The following GRIN2B variants were observed in gnomAD, a reference collection of about 807,000 sequenced individuals.
The protein encoded by GRIN2B is glutamate ionotropic receptor NMDA type subunit 2B, also known as glutamate receptor ionotropic, NMDA 2B.
GRIN2B carries 5 observed loss-of-function variants against 114.5 expected under a neutral mutation model. That is an observed-to-expected ratio of 0.04 (90% CI 0.02 to 0.09). The LOEUF is 0.09. GRIN2B is among the 10% of genes least tolerant of loss of function. GRIN2B has a pLI of 1.00. For synonymous variants in GRIN2B, 787 were observed against 745.1 expected (o/e 1.06, Z -0.92); for missense variants, 1,108 against 1,943.5 (o/e 0.57, Z 8.08).
chr12:13,702,969 C>T (rs1468838042), intron 4 of GRIN2B, among the ~76,000 whole-genome samples: 2 of 152,130 alleles, frequency 1.3e-5, no homozygotes, highest in Admixed American at 6.5e-5. Flanking sequence ...ACATGAACAT[C>T]GGTCATAGCA....
Position 13,578,247 on chromosome 12 carries a change from C to G in GRIN2B, c.2011-6283G>C, listed in dbSNP as rs112361322. 8.6e-3 allele frequency among the ~76,000 whole-genome samples: 1,313 copies of G among 152,302 alleles called. 22 individuals are homozygous for G. The highest frequency in any genetic ancestry group is 0.03 in the African/African-American group (1,232 of 41,562). Reference sequence around the variant, plus strand: ...TGACAAACAGGTCCATGTCCCCTCCCTACCTTGATTCTTAGCTGACCTAGG... The same window carrying G: ...TGACAAACAGGTCCATGTCCCCTCCGTACCTTGATTCTTAGCTGACCTAGG... On this transcript the variant is annotated intron_variant, in intron 10 of 13. Transcript: ENST00000609686.
intron 4 of GRIN2B, among the ~76,000 whole-genome samples, chr12:13,704,218 A>G (rs1950338567): frequency 6.6e-6 from 1 of 152,124 alleles, no homozygotes. Flanking sequence ...CAAGGGTAGG[A>G]TGCATGAGGA....
intron 10 of GRIN2B, among the ~76,000 whole-genome samples, chr12:13,589,739 G>A (rs1037880445): frequency 3.3e-5 from 5 of 152,136 alleles, no homozygotes; most frequent in African/African-American, 1.2e-4. Context: ...TAGCTAGTAT[G>A]CTTTAAGAAT....
intron 2 of GRIN2B, among the ~76,000 whole-genome samples, chr12:13,936,589 CT>C (rs1199940306): frequency 6.6e-6 from 1 of 152,112 alleles, no homozygotes; most frequent in African/African-American, 2.4e-5. Context: ...AGAATTAATA[CT>C]TTTCTAAGGG....
At chr12:13,716,553 G>A (rs1170257339) in intron 4 of GRIN2B, among the ~76,000 whole-genome samples, 1 of 151,856 alleles carries the variant, frequency 6.6e-6, no homozygotes, top group Non-Finnish European at 1.5e-5. Context: ...ATGATGGCAA[G>A]TGAAATACGA....
chr12:13,548,431 T>G lies in GRIN2B; in HGVS notation c.*14352A>C, dbSNP rs1253207185. The G allele has an allele frequency of 6.6e-6, 1 of 151,850 alleles. No individual in the cohort carries two copies. The highest frequency in any genetic ancestry group is 1.5e-5 in the Non-Finnish European group (1 of 67,996). 9.4% of individuals were successfully genotyped at this position (151,850 alleles called of 1,614,324 possible). On this transcript the variant is annotated 3_prime_UTR_variant, in exon 14 of 14. Transcript: ENST00000609686. ...GAGCTCTGTGGTTTCAATCAAATAATTCTCCATTCATGCCCTCAGAGTCCC... is the reference window on the plus strand; with the variant it reads ...GAGCTCTGTGGTTTCAATCAAATAAGTCTCCATTCATGCCCTCAGAGTCCC...
chr12:13,916,710 TATACACAC>T lies in GRIN2B; in HGVS notation c.-18-50492_-18-50485del, dbSNP rs749804565. Reference sequence around the variant, plus strand: ...CTCTCTCTCTCTCCATACATATACATATACACACACACACACACACACACATTTGTGTG... The same window carrying T: ...CTCTCTCTCTCTCCATACATATACATACACACACACACACACATTTGTGTG... On this transcript the variant is annotated intron_variant, in intron 2 of 13. Transcript: ENST00000609686. Among the ~76,000 whole-genome samples the T allele has an allele frequency of 2.4e-3, 237 of 100,284 alleles. 3 individuals carry two copies. The highest frequency in any genetic ancestry group is 3.7e-3 in the Non-Finnish European group (182 of 48,690). The allele number at this position is 100,284 out of a possible 152,430, so 65.8% of individuals were successfully genotyped here.
intron 5 of GRIN2B, among the ~76,000 whole-genome samples, chr12:13,622,365 C>T (rs1265536412): frequency 6.6e-6 from 1 of 152,144 alleles, no homozygotes; most frequent in African/African-American, 2.4e-5. Flanking sequence ...CTAAATTCTG[C>T]ATCCCATTCT....
Position 13,542,609 on chromosome 12 carries a change from A to G in GRIN2B, c.*20174T>C, listed in dbSNP as rs1037450246. ...ATAGAGACAATTAGGGCCAACCCCA[A>G]ATGCCCACAGCCTCGCTTAGGGCAA... On this transcript the variant is annotated 3_prime_UTR_variant, in exon 14 of 14. Transcript: ENST00000609686. 12 of 152,202 alleles carry G rather than the reference A, an allele frequency of 7.9e-5. No homozygotes were observed. Among genetic ancestry groups the G allele is most frequent in the Admixed American group, 7.2e-4 (11 of 15,274 alleles). The allele number at this position is 152,202 out of a possible 1,614,324, so 9.4% of individuals were successfully genotyped here.
intron 2 of GRIN2B, among the ~76,000 whole-genome samples, chr12:13,958,005 G>A (rs1388107586): frequency 2.0e-5 from 3 of 152,200 alleles, no homozygotes; most frequent in African/African-American, 4.8e-5. Flanking sequence ...CTAGTCACAG[G>A]TGGCTAGTGG....
chr12:13,898,938 C>T (rs1342539686), intron 2 of GRIN2B, among the ~76,000 whole-genome samples: 1 of 152,120 alleles, frequency 6.6e-6, no homozygotes, highest in Non-Finnish European at 1.5e-5. Flanking sequence ...ACAACTATTA[C>T]TACTACCACT....
chr12:13,842,330 T>G (rs934783096), intron 3 of GRIN2B, among the ~76,000 whole-genome samples: 1 of 152,224 alleles, frequency 6.6e-6, no homozygotes, highest in African/African-American at 2.4e-5. Flanking sequence ...AGTTTTGATA[T>G]GCATTATTTT....
At chr12:13,747,254 C>G (rs1863401486) in intron 4 of GRIN2B, among the ~76,000 whole-genome samples, 1 of 152,078 alleles carries the variant, frequency 6.6e-6, no homozygotes, top group African/African-American at 2.4e-5. Flanking sequence ...TTGAAAATGC[C>G]TTTCACAAGT....
chr12:13,769,651 T>C (rs1863869118), intron 3 of GRIN2B, among the ~76,000 whole-genome samples: 1 of 152,240 alleles, frequency 6.6e-6, no homozygotes, highest in African/African-American at 2.4e-5. Flanking sequence ...GGAGATTAAA[T>C]ACTGTTTGCA....
At chr12:13,724,330 G>A (rs941317018) in intron 4 of GRIN2B, among the ~76,000 whole-genome samples, 2 of 152,140 alleles carry the variant, frequency 1.3e-5, no homozygotes, top group African/African-American at 4.8e-5. Context: ...GCCAATTACA[G>A]GTTTGCAGAA....
chr12:13,620,592 T>A (rs141450753), intron 5 of GRIN2B, among the ~76,000 whole-genome samples: 1 of 152,330 alleles, frequency 6.6e-6, no homozygotes, highest in East Asian at 1.9e-4. Context: ...ATTGTCTTAA[T>A]TAAAATAATT....
At chr12:13,609,137 C>A (rs1185526697) in intron 9 of GRIN2B, among the ~76,000 whole-genome samples, 1 of 152,128 alleles carries the variant, frequency 6.6e-6, no homozygotes, top group Non-Finnish European at 1.5e-5. Flanking sequence ...ATATACAAGA[C>A]CCTCTCAAGA....
intron 2 of GRIN2B, among the ~76,000 whole-genome samples, chr12:13,950,128 G>C (rs955100374): frequency 2.0e-5 from 3 of 152,216 alleles, no homozygotes; most frequent in African/African-American, 7.2e-5. Flanking sequence ...CTAAGGAATG[G>C]TTTTATACGC....
intron 2 of GRIN2B, among the ~76,000 whole-genome samples, chr12:13,930,194 G>GATAC (rs1555158359): frequency 1.3e-5 from 2 of 151,892 alleles, no homozygotes; most frequent in Non-Finnish European, 2.9e-5. Context: ...ACAATAAATA[G>GATAC]ATAAATAAAT....
Sources: allele counts gnomAD v4.1 joint callset (sites outside exome capture counted in the v4.1 genomes callset), GRCh38; gene constraint gnomAD v4.1.1; transcripts MANE v1.5; gene names NCBI Gene and HGNC (gene_info 2026-07-23, HGNC 2026-07-21).